The following SRPK2 variants were observed in gnomAD, a reference collection of about 807,000 sequenced individuals.
SRPK2 encodes the protein SFRS protein kinase 2.
SRPK2 carries 21 observed loss-of-function variants against 90.8 expected under a neutral mutation model. That is an observed-to-expected ratio of 0.23 (90% CI 0.16 to 0.33). The LOEUF is 0.33. Among genes scored for constraint, SRPK2 ranks in the 10% least tolerant of loss-of-function variants. The pLI is 1.00. For missense variants in SRPK2, 620 were observed against 869.0 expected (o/e 0.71, Z 3.60); for synonymous variants, 288 against 311.1 (o/e 0.93, Z 0.78).
chr7:105,392,550 G>A (rs1021268244), upstream of SRPK2, among the ~76,000 whole-genome samples: 1 of 152,188 alleles, frequency 6.6e-6, no homozygotes, highest in Non-Finnish European at 1.5e-5. Flanking sequence ...ATCTTGCTCT[G>A]TTGCCGAGGC....
At chr7:105,274,467 C>G (rs1806223437) in intron 2 of SRPK2, among the ~76,000 whole-genome samples, 1 of 151,958 alleles carries the variant, frequency 6.6e-6, no homozygotes, top group Non-Finnish European at 1.5e-5. Context: ...GAGGCTGAGG[C>G]AGGAGAATCG....
chr7:105,321,587 G>T (rs1812945524), intron 2 of SRPK2, among the ~76,000 whole-genome samples: 1 of 151,662 alleles, frequency 6.6e-6, no homozygotes, highest in African/African-American at 2.4e-5. Context: ...TCTAGTACCT[G>T]GAATATATAC....
chr7:105,343,340 G>A (rs751672637), intron 2 of SRPK2, among the ~76,000 whole-genome samples: 1 of 152,112 alleles, frequency 6.6e-6, no homozygotes, highest in Non-Finnish European at 1.5e-5. Context: ...AAGCTGAGGT[G>A]GGGGGATCAC....
chr7:105,222,694 C>G (rs908160193), intron 2 of SRPK2, among the ~76,000 whole-genome samples: 1 of 152,066 alleles, frequency 6.6e-6, no homozygotes, highest in African/African-American at 2.4e-5. Context: ...GAAATTCAAT[C>G]CATAATAACA....
At chr7:105,120,285 A>T (rs1402702935) in intron 15 of SRPK2, among the ~76,000 whole-genome samples, 1 of 152,188 alleles carries the variant, frequency 6.6e-6, no homozygotes, top group East Asian at 1.9e-4. Flanking sequence ...GTGTGCTGAG[A>T]ATAGTAAAGG....
At chr7:105,180,601 T>C (rs963109305) in intron 3 of SRPK2, among the ~76,000 whole-genome samples, 2 of 151,982 alleles carry the variant, frequency 1.3e-5, no homozygotes, top group African/African-American at 4.8e-5. Flanking sequence ...ACTAAAAAAA[T>C]ACAAAAATTA....
chr7:105,331,611 G>A (rs1225264625), intron 2 of SRPK2, among the ~76,000 whole-genome samples: 1 of 152,010 alleles, frequency 6.6e-6, no homozygotes, highest in Non-Finnish European at 1.5e-5. Flanking sequence ...AAATACATAC[G>A]ACATTTCACA....
chr7:105,182,262 T>A (rs977268024), intron 3 of SRPK2, among the ~76,000 whole-genome samples: 11 of 147,010 alleles, frequency 7.5e-5, no homozygotes, highest in African/African-American at 1.0e-4. Flanking sequence ...AATTCAACCG[T>A]ATACTCTAAC....
chr7:105,367,692 T>TG (rs1819228603), intron 2 of SRPK2, among the ~76,000 whole-genome samples: 1 of 151,948 alleles, frequency 6.6e-6, no homozygotes, highest in Admixed American at 6.6e-5. Flanking sequence ...GATTTAACAC[T>TG]GCACCTTTAT....
At chr7:105,174,304 ATAAAGGT>A (rs553079809) in intron 3 of SRPK2, among the ~76,000 whole-genome samples, 129 of 152,304 alleles carry the variant, frequency 8.5e-4, no homozygotes, top group Non-Finnish European at 1.4e-3. Flanking sequence ...CTGGCCAAAG[ATAAAGGT>A]TCCCTTTTCC....
chr7:105,162,271 A>T (rs906817705), intron 6 of SRPK2, among the ~76,000 whole-genome samples: 1 of 151,980 alleles, frequency 6.6e-6, no homozygotes, highest in Admixed American at 6.6e-5. Flanking sequence ...CAAACTCCTA[A>T]TCTCAAGTGA....
intron 7 of SRPK2, among the ~76,000 whole-genome samples, chr7:105,158,872 T>C (rs1806983194): frequency 6.6e-6 from 1 of 151,750 alleles, no homozygotes; most frequent in Non-Finnish European, 1.5e-5. Context: ...AATACACTAG[T>C]CTTATTTGGG....
intron 2 of SRPK2, among the ~76,000 whole-genome samples, chr7:105,298,031 C>T (rs899781367): frequency 2.0e-5 from 3 of 152,326 alleles, no homozygotes; most frequent in African/African-American, 7.2e-5. Context: ...TGAGCCACCA[C>T]GCCTGGCCTG....
intron 2 of SRPK2, among the ~76,000 whole-genome samples, chr7:105,365,510 TTA>T (rs71152965): frequency 7.3e-4 from 85 of 116,340 alleles, no homozygotes; most frequent in Non-Finnish European, 1.3e-3. Flanking sequence ...AAAAAAAAAA[TTA>T]TATATATATA....
At chr7:105,386,557 A>G (rs986999001) in intron 2 of SRPK2, among the ~76,000 whole-genome samples, 5 of 151,664 alleles carry the variant, frequency 3.3e-5, no homozygotes, top group Non-Finnish European at 7.4e-5. Flanking sequence ...CTACTAAAAA[A>G]TACAAAAAAA....
chr7:105,316,890 G>A (rs1336043612), intron 2 of SRPK2, among the ~76,000 whole-genome samples: 5 of 152,134 alleles, frequency 3.3e-5, no homozygotes, highest in Non-Finnish European at 7.4e-5. Context: ...TGCAAAAAGG[G>A]GACAACAATA....
At chr7:105,203,836 T>TA (rs1221639560) in intron 2 of SRPK2, 51 bp from the exon 3 acceptor site, 1 of 1,546,264 alleles carries the variant, frequency 6.5e-7, no homozygotes, top group Non-Finnish European at 8.7e-7. Context: ...CATCTTGCAT[T>TA]ATGGATGCAT....
intron 3 of SRPK2, chr7:105,189,667 G>C (rs1368789930): frequency 6.6e-6 from 1 of 152,364 alleles, no homozygotes; most frequent in Non-Finnish European, 1.5e-5. Flanking sequence ...AGCTGCTCAG[G>C]AGGCTGAGGC....
intron 7 of SRPK2, among the ~76,000 whole-genome samples, chr7:105,158,853 G>T: frequency 6.9e-6 from 1 of 145,754 alleles, no homozygotes. Context: ...GCTGCTAAAT[G>T]TTACAAATAA....
Sources: gnomAD v4.1 joint callset for allele counts (sites outside exome capture counted in the v4.1 genomes callset) on GRCh38, gnomAD v4.1.1 for gene constraint, MANE v1.5 for transcripts, NCBI Gene and HGNC (gene_info 2026-07-23, HGNC 2026-07-21) for gene names.